MACF1: variants seen among roughly 807,000 people sequenced by gnomAD.
MACF1 encodes the protein microtubule actin crosslinking factor 1.
Under a neutral mutation model 854.8 loss-of-function variants are expected in MACF1, and 193 were observed. That is an observed-to-expected ratio of 0.23 (90% confidence interval 0.20 to 0.25). The LOEUF is 0.25. MACF1 is among the 10% of genes least tolerant of loss of function. The probability of loss-of-function intolerance (pLI) is 1.00; values close to 1 mark genes in which losing one functional copy is unlikely to be tolerated. For missense variants in MACF1, 7,722 were observed against 8,929.1 expected (o/e 0.86, Z 5.45); for synonymous variants, 3,185 against 3,226.7 (o/e 0.99, Z 0.44).
At chr1:39,230,748 A>AGG (rs1163467401) in intron 1 of MACF1, among the ~76,000 whole-genome samples, 1 of 151,916 alleles carries the variant, frequency 6.6e-6, no homozygotes, top group Non-Finnish European at 1.5e-5. Context: ...GGGGTAGGAG[A>AGG]GGGAGGGAGT....
intron 54 of MACF1, among the ~76,000 whole-genome samples, chr1:39,379,751 G>A (rs1650020070): frequency 6.6e-6 from 1 of 152,206 alleles, no homozygotes; most frequent in African/African-American, 2.4e-5. Flanking sequence ...GATGCTGTAA[G>A]CAAGACAAAC....
rs1460863936 is a variant in MACF1 at position 39,444,854 on chromosome 1, A to C, written c.19605+19A>C. Reference sequence around the variant, plus strand: ...AAGAAAGGTACAGTGTATGATCCCCATGTTTGAGTAATTTGCTGAGTGATT... The same window carrying C: ...AAGAAAGGTACAGTGTATGATCCCCCTGTTTGAGTAATTTGCTGAGTGATT... On this transcript the variant is annotated intron_variant, in intron 80 of 100. Transcript: ENST00000564288. The C allele has an allele frequency of 6.4e-7, 1 of 1,556,100 alleles. No individual in the cohort carries two copies. The highest frequency in any genetic ancestry group is 2.3e-5 in the East Asian group (1 of 43,748).
At chr1:39,329,952 T>C (rs2148466183) in intron 36 of MACF1, among the ~76,000 whole-genome samples, 1 of 152,352 alleles carries the variant, frequency 6.6e-6, no homozygotes, top group Middle Eastern at 3.4e-3. Context: ...AGATTTAGAA[T>C]CAGACCTTGA....
rs1355663251 is a variant in MACF1, at chr1:39,283,336, A to G, written c.808+35A>G. The G allele has an allele frequency of 1.3e-6, 2 of 1,583,768 alleles. No homozygotes were observed. Among genetic ancestry groups the G allele is most frequent in the Admixed American group, 1.7e-5 (1 of 59,982 alleles). On this transcript the variant is annotated intron_variant, in intron 8 of 100. Transcript: ENST00000564288. The surrounding 1 kb of genome is among the most constrained non-coding windows in gnomAD (Gnocchi z 4.5). ...AGTTTACTGAACTTGAGTAAGGAAC[A>G]CGTATTCAGTATTCCTTCTTCTGGC...
At chr1:39,144,371 G>A (rs1037233133) in intron 2 of MACF1, among the ~76,000 whole-genome samples, 2 of 151,920 alleles carry the variant, frequency 1.3e-5, no homozygotes, top group Non-Finnish European at 2.9e-5. Context: ...GTAAGCCACC[G>A]CCCCCAGCTG....
chr1:39,385,407 A>G (rs776424007), intron 56 of MACF1, 27 bp from the exon 57 acceptor site: 51 of 1,607,536 alleles, frequency 3.2e-5, no homozygotes, highest in Non-Finnish European at 4.3e-5. Flanking sequence ...TTCCTGTCTA[A>G]ACATCTTGGT....
In MACF1 at chr1:39,387,744, A is replaced by G. The variant is rs1569841792; in HGVS notation, c.14902A>G (p.Ile4968Val). The change falls in exon 58 of 101, where the codon ATT (isoleucine) becomes GTT (valine). Residue 4968 changes from isoleucine to valine, a missense_variant. Physicochemically the swap from Ile to Val is conservative, Grantham distance 29. Around this residue, in one of 15 missense-constraint regions of MACF1, gnomAD observed 2,807 missense variants for 3,235.8 expected, o/e 0.87. Transcript: ENST00000564288. ...GGAAATATTGAATAGTGCTGCTGACATTCTGATCAATTCTTCAGAAGCAGA... is the reference window on the plus strand; with the variant it reads ...GGAAATATTGAATAGTGCTGCTGACGTTCTGATCAATTCTTCAGAAGCAGA... The part of the protein sequence containing the change: ...LLEILNSAAD[I>V]LINSSEADED... 1.2e-6 allele frequency: 2 copies of G among 1,614,162 alleles called. No homozygotes were observed. Among genetic ancestry groups the G allele is most frequent in the East Asian group, 2.2e-5 (1 of 44,872 alleles).
intron 60 of MACF1, 33 bp downstream of exon 60, chr1:39,422,933 C>T: frequency 6.2e-7 from 1 of 1,600,396 alleles, no homozygotes; most frequent in South Asian, 1.1e-5. Flanking sequence ...TGAACTGTAA[C>T]AGCCGTAGGG....
intron 2 of MACF1, among the ~76,000 whole-genome samples, chr1:39,116,488 A>G (rs1443232846): frequency 6.6e-6 from 1 of 152,110 alleles, no homozygotes; most frequent in Non-Finnish European, 1.5e-5. Flanking sequence ...TCCAAGGCAG[A>G]CAGGTAGATT....
At chr1:39,341,759 A>G (rs1341652943) in intron 40 of MACF1, among the ~76,000 whole-genome samples, 3 of 151,760 alleles carry the variant, frequency 2.0e-5, no homozygotes, top group Admixed American at 6.6e-5. Context: ...CCTTTCAGCT[A>G]TTCTCTGAGA....
chr1:39,223,685 TTTTGTATTTTTAGTAGAGACAGG>T (rs529683009), intron 1 of MACF1, among the ~76,000 whole-genome samples: 1 of 152,012 alleles, frequency 6.6e-6, no homozygotes, highest in Admixed American at 6.6e-5. Flanking sequence ...TCTGGCTAAT[TTTTGTATTTTTAGTAGAGACAGG>T]GGTTCACCAA....
At position 39,291,892 on chromosome 1, in the gene MACF1, ATAT is replaced by A. The variant is rs756143731; in HGVS notation, c.1786-16_1786-14del. The stretch of plus-strand genomic sequence containing the variant: ...GCCAGCAGTAAATTATGTCATATAT[ATAT>A]TTTTTCTTTTTCAGATGAAACTGGA... On this transcript the variant is annotated splice_polypyrimidine_tract_variant and intron_variant, in intron 15 of 100. Transcript: ENST00000564288. The A allele has an allele frequency of 6.2e-7, 1 of 1,609,290 alleles. No homozygotes were observed. The highest frequency in any genetic ancestry group is 8.5e-7 in the Non-Finnish European group (1 of 1,178,422).
chr1:39,457,220 G>A (rs1644458262), intron 89 of MACF1: 1 of 152,232 alleles, frequency 6.6e-6, no homozygotes, highest in Non-Finnish European at 1.5e-5. Flanking sequence ...CCCCTTGCCT[G>A]ACGTCATTTG....
Position 39,348,833 on chromosome 1 carries a change from C to T in MACF1, c.10816-645C>T, listed in dbSNP as rs1647115336. On this transcript the variant is annotated intron_variant, in intron 41 of 100. Coordinates refer to ENST00000564288, the MANE Select transcript of MACF1 (RefSeq NM_001394062.1). The stretch of plus-strand genomic sequence containing the variant: ...TTCCCTCTCTCTCCTTGGGCCTGGC[C>T]TGTTCCTTTGATATTAGTGTAGACA... Among the ~76,000 whole-genome samples the T allele has an allele frequency of 2.0e-5, 3 of 152,186 alleles. No individual in the cohort carries two copies. In the South Asian group the frequency reaches 6.2e-4, roughly 32 times the overall value.
At chr1:39,366,329 A>G (rs1373391405) in intron 49 of MACF1, among the ~76,000 whole-genome samples, 1 of 151,366 alleles carries the variant, frequency 6.6e-6, no homozygotes, top group African/African-American at 2.4e-5. Context: ...AGTGTTTTTG[A>G]TTTTTTTGTT....
intron 2 of MACF1, among the ~76,000 whole-genome samples, chr1:39,107,500 C>CT (rs1188299982): frequency 6.6e-6 from 1 of 150,770 alleles, no homozygotes; most frequent in African/African-American, 2.5e-5. Context: ...GTCGTGCAGT[C>CT]TGCTCTTCTG....
At chr1:39,476,921 G>A (rs142678928) in intron 97 of MACF1, among the ~76,000 whole-genome samples, 244 of 149,412 alleles carry the variant, frequency 1.6e-3, no homozygotes, top group Non-Finnish European at 2.4e-3. Flanking sequence ...CCGGCTTCAA[G>A]GACGCCTGCT....
In MACF1 at chr1:39,466,415, A is replaced by G. The variant is rs535428936; in HGVS notation, c.21771+1303A>G. On this transcript the variant is annotated intron_variant, in intron 95 of 100. Transcript: ENST00000564288. The stretch of plus-strand genomic sequence containing the variant: ...TAGCAGAAACAAGTTAGAATCTTTC[A>G]AAGAGAGCTTTAGTGTGAAATTAAG... Among the ~76,000 whole-genome samples the G allele has an allele frequency of 6.6e-5, 10 of 152,358 alleles. No individual in the cohort carries two copies. In the South Asian group the frequency reaches 2.1e-3, roughly 32 times the overall value.
chr1:39,183,602 G>A (rs961500035), intron 2 of MACF1, among the ~76,000 whole-genome samples: 10 of 152,122 alleles, frequency 6.6e-5, no homozygotes, highest in African/African-American at 1.7e-4. Flanking sequence ...ATCAGGAAGC[G>A]AACTTTTAAG....
Sources: allele counts gnomAD v4.1 joint callset (sites outside exome capture counted in the v4.1 genomes callset), GRCh38; gene constraint gnomAD v4.1.1; regional missense constraint gnomAD v4.1.1; non-coding constraint Gnocchi (gnomAD v3.1); transcripts MANE v1.5; gene names NCBI Gene and HGNC (gene_info 2026-07-23, HGNC 2026-07-21).